WHAMM: variants seen among roughly 807,000 people sequenced by gnomAD.
WHAMM encodes WASP homolog associated with actin, golgi membranes and microtubules.
In WHAMM, 67 loss-of-function variants were observed where a neutral mutation model predicts 76.5. The ratio of observed to expected loss-of-function variants is 0.88; its 90% CI spans 0.72 to 1.07. The LOEUF (loss-of-function observed/expected upper bound fraction) is 1.07. Among genes scored for constraint, WHAMM ranks in the 50% least tolerant of loss-of-function variants. The probability of loss-of-function intolerance (pLI) is 0.00; values close to 1 mark genes in which losing one functional copy is unlikely to be tolerated. For missense variants in WHAMM, 1,021 were observed against 1,051.1 expected, an observed-to-expected ratio of 0.97 and a Z score of 0.40; for synonymous variants, 419 against 422.1, an observed-to-expected ratio of 0.99 and a Z score of 0.09.
intron 4 of WHAMM, 101 bp downstream of exon 4, chr15:82,818,190 T>G: frequency 7.7e-7 from 1 of 1,293,268 alleles, no homozygotes; most frequent in Non-Finnish European, 1.1e-6. Flanking sequence ...GTTCCATGGA[T>G]ATATTGTGTA....
rs974303002 is a variant in WHAMM, at chr15:82,833,475, G to A, written c.2369G>A (p.Arg790Lys). 1 of 1,614,012 alleles carries A rather than the reference G, an allele frequency of 6.2e-7. No homozygotes were observed. Among genetic ancestry groups the A allele is most frequent in the Non-Finnish European group, 8.5e-7 (1 of 1,179,894 alleles). The change falls in exon 10 of 10, where the codon AGG becomes AAG. Residue 790 changes from arginine (R) to lysine (K), a missense_variant. Arg to Lys is a conservative substitution (Grantham distance 26). Coordinates refer to ENST00000286760, the MANE Select transcript of WHAMM (RefSeq NM_001080435.3). ...AAGGCTGCGCTCCAGAGAATCAAGA[G>A]GGTGTCTGCTGACTCTGAGGAGGAC... ...SIKAALQRIKRVSADSEEDSD... is the reference protein window; with the variant it reads ...SIKAALQRIKKVSADSEEDSD...
intron 5 of WHAMM, 33 bp from the exon 6 acceptor site, chr15:82,823,063 TAAAA>T (rs568478050): frequency 6.2e-6 from 7 of 1,133,664 alleles, no homozygotes; most frequent in Non-Finnish European, 6.9e-6. Flanking sequence ...TTTAAAATAA[TAAAA>T]TATGTTTTAA....
At chr15:82,826,660 GC>G (rs2050940083) in intron 7 of WHAMM, 90 bp from the exon 8 acceptor site, 9 of 1,537,108 alleles carry the variant, frequency 5.9e-6, no homozygotes, top group Non-Finnish European at 7.9e-6. Context: ...TTGGGGTACA[GC>G]CTCTTTCTTT....
chr15:82,826,930 T>C, intron 8 of WHAMM, 84 bp downstream of exon 8: 2 of 1,378,202 alleles, frequency 1.5e-6, no homozygotes, highest in South Asian at 3.1e-5. Flanking sequence ...GTATGAAGTA[T>C]TAAGAACAGG....
At chr15:82,826,700 C>A (rs2050940736) in intron 7 of WHAMM, 51 bp from the exon 8 acceptor site, 3 of 1,529,916 alleles carry the variant, frequency 2.0e-6, no homozygotes, top group East Asian at 4.9e-5. Flanking sequence ...TATGCCAAGA[C>A]ATTTTTTGTA....
Position 82,830,611 on chromosome 15 carries a change from C to T in WHAMM, c.1654C>T (p.Gln552Ter), listed in dbSNP as rs2051010663. ...TTTTCATTTTCAGAAACGCCTAGCT[C>T]AATCTGTCCGAAACACCTCTGGCTC... ...LRSFKDKRLA[Q>*]SVRNTSGSEP... Residue 552 changes from glutamine (Q) to a stop codon, truncating the protein, a stop_gained, in exon 9 of 10, where the codon CAA (glutamine) becomes TAA (stop). Transcript: ENST00000286760. LOFTEE classifies it high-confidence loss of function. The T allele has an allele frequency of 6.2e-7, 1 of 1,611,522 alleles. No homozygotes were observed. Among genetic ancestry groups the T allele is most frequent in the South Asian group, 1.1e-5 (1 of 91,024 alleles).
At chr15:82,831,597 C>A (rs1020430743) in intron 9 of WHAMM, among the ~76,000 whole-genome samples, 5 of 152,198 alleles carry the variant, frequency 3.3e-5, no homozygotes, top group Non-Finnish European at 7.3e-5. Flanking sequence ...TATTGGAAAT[C>A]TTTCTAAAGT....
At chr15:82,813,647 ATTTTTTT>A (rs10563149) in intron 2 of WHAMM, among the ~76,000 whole-genome samples, 92 of 60,118 alleles carry the variant, frequency 1.5e-3, no homozygotes, top group Non-Finnish European at 2.5e-3. Context: ...CTGGTGATGA[ATTTTTTT>A]TTTTTTTTTT....
At chr15:82,830,518 G>C in intron 8 of WHAMM, 81 bp from the exon 9 acceptor site, 1 of 1,544,122 alleles carries the variant, frequency 6.5e-7, no homozygotes, top group Non-Finnish European at 8.7e-7. Context: ...AAACGGATGT[G>C]TTTATAGATT....
rs2050800865 is a variant in WHAMM, at chr15:82,820,470, G to A, written c.1270+982G>A. On this transcript the variant is annotated intron_variant, in intron 5 of 9. Coordinates refer to ENST00000286760, the MANE Select transcript of WHAMM (RefSeq NM_001080435.3). ...ATGGAATTATTGGGTCAAGGGCAAT[G>A]TATATTTTACATTTTGATACATAAC... is the stretch of plus-strand genomic sequence containing the variant. Among the ~76,000 whole-genome samples, 4 of 152,138 alleles carry A rather than the reference G, an allele frequency of 2.6e-5. No individual in the cohort carries two copies. The South Asian group carries it at 8.3e-4, about 31-fold the overall frequency.
At chr15:82,818,963 TG>T (rs1210820421) in intron 4 of WHAMM, among the ~76,000 whole-genome samples, 2 of 152,240 alleles carry the variant, frequency 1.3e-5, no homozygotes, top group East Asian at 3.8e-4. Flanking sequence ...AATCCCATGA[TG>T]GGGGTGCTAT....
Position 82,810,174 on chromosome 15 carries a change from G to T in WHAMM, c.448G>T (p.Glu150Ter). ...AALQELCGQL[E>*]RYLGAAADGC... ...GCTGCAGGAGCTGTGCGGGCAGCTG[G>T]AACGCTATCTGGGCGCGGCGGCCGA... Residue 150 changes from glutamate to a stop codon, truncating the protein, a stop_gained, in exon 1 of 10, where the codon GAA becomes TAA. Coordinates refer to ENST00000286760, the MANE Select transcript of WHAMM (RefSeq NM_001080435.3). LOFTEE classifies it high-confidence loss of function. The T allele has an allele frequency of 7.1e-7, 1 of 1,403,874 alleles. No homozygotes were observed. Among genetic ancestry groups the T allele is most frequent in the Non-Finnish European group, 9.3e-7 (1 of 1,074,720 alleles). The allele number at this position is 1,403,874 out of a possible 1,614,324, so 87.0% of individuals were successfully genotyped here. A position where few individuals can be genotyped will look rare whatever the true frequency, so the allele number is the denominator to read the frequency against.
intron 5 of WHAMM, among the ~76,000 whole-genome samples, chr15:82,820,917 A>G (rs992947387): frequency 3.2e-5 from 4 of 124,740 alleles, no homozygotes; most frequent in Non-Finnish European, 5.3e-5. Flanking sequence ...AAAAAAAAAA[A>G]AAAGAAAAAA....
intron 6 of WHAMM, among the ~76,000 whole-genome samples, chr15:82,825,324 T>G (rs1443321413): frequency 6.6e-6 from 1 of 152,120 alleles, no homozygotes; most frequent in Admixed American, 6.6e-5. Flanking sequence ...GTGCTGTGGA[T>G]GAACAGATGC....
At chr15:82,810,716 A>G in intron 1 of WHAMM, 1 of 985,468 alleles carries the variant, frequency 1.0e-6, no homozygotes, top group South Asian at 4.7e-5. Flanking sequence ...AAATGTAAGC[A>G]ATTCCTGTGT....
rs549044976 is a variant in WHAMM, at chr15:82,835,335, A to G, written c.*1799A>G. On this transcript the variant is annotated 3_prime_UTR_variant, in exon 10 of 10. Transcript: ENST00000286760. ...AGAGATGGGGTTTCACCATGTTGGC[A>G]GGATGGTCTCGATCTCTTGACCTCG... The G allele has an allele frequency of 7.9e-5, 12 of 152,346 alleles. No homozygotes were observed. Among genetic ancestry groups the G allele is most frequent in the African/African-American group, 2.9e-4 (12 of 41,516 alleles). The allele number at this position is 152,346 out of a possible 1,614,324, so 9.4% of individuals were successfully genotyped here. A position where few individuals can be genotyped will look rare whatever the true frequency, so the allele number is the denominator to read the frequency against.
chr15:82,815,146 TATATATATA>T (rs1566991957), intron 2 of WHAMM, among the ~76,000 whole-genome samples: 4,516 of 40,202 alleles, frequency 0.11, 440 homozygotes, highest in African/African-American at 0.33. Context: ...TATATATATA[TATATATATA>T]GTACAATTCA....
chr15:82,816,389 G>T (rs2050726524), intron 2 of WHAMM, among the ~76,000 whole-genome samples: 1 of 152,136 alleles, frequency 6.6e-6, no homozygotes, highest in Non-Finnish European at 1.5e-5. Context: ...AAACAATTGT[G>T]TATTATTATT....
Position 82,810,067 on chromosome 15 carries a change from T to C in WHAMM, c.341T>C (p.Val114Ala). Residue 114 changes from valine to alanine, a missense_variant, in exon 1 of 10, where the codon GTG becomes GCG. This residue lies in a region of WHAMM where 501 missense variants were observed against 524.9 expected (regional missense o/e 0.95). Coordinates refer to ENST00000286760, the MANE Select transcript of WHAMM (RefSeq NM_001080435.3). Reference protein sequence around the residue: ...CFPRLPPELDVGGGGAWGLGL... With the variant: ...CFPRLPPELDAGGGGAWGLGL... ...CCGCGGCTGCCGCCGGAGCTGGACG[T>C]GGGCGGCGGCGGGGCCTGGGGTCTG... is the stretch of plus-strand genomic sequence containing the variant. The C allele has an allele frequency of 8.4e-7, 1 of 1,189,992 alleles. No homozygotes were observed. The highest frequency in any genetic ancestry group is 3.6e-5 in the South Asian group (1 of 27,608). 73.7% of individuals were successfully genotyped at this position (1,189,992 alleles called of 1,614,324 possible).
Sources: gnomAD v4.1 joint callset for allele counts (sites outside exome capture counted in the v4.1 genomes callset) on GRCh38, gnomAD v4.1.1 for gene constraint, gnomAD v4.1.1 regional missense constraint, MANE v1.5 for transcripts, NCBI Gene and HGNC (gene_info 2026-07-23, HGNC 2026-07-21) for gene names.